Variants in NALF1 observed in about 807,000 individuals in gnomAD.
The protein encoded by NALF1 is NALCN channel auxiliary factor 1, also known as family with sequence similarity 155 member A.
A neutral mutation model predicts 48.4 loss-of-function variants in NALF1; 3 were observed. The observed-to-expected ratio is 0.06, with a 90% CI of 0.03 to 0.16. NALF1 has a LOEUF of 0.16. Among genes scored for constraint, NALF1 ranks in the 10% least tolerant of loss-of-function variants. The pLI is 1.00. For missense variants in NALF1, 526 were observed against 571.5 expected (o/e 0.92, Z 0.81); for synonymous variants, 262 against 245.7 (o/e 1.07, Z -0.62).
At chr13:107,406,005 G>A (rs1883891689) in intron 1 of NALF1, among the ~76,000 whole-genome samples, 1 of 151,928 alleles carries the variant, frequency 6.6e-6, no homozygotes, top group Non-Finnish European at 1.5e-5. Flanking sequence ...TAATTCCAAA[G>A]CAAACTTTTC....
At chr13:107,498,589 A>T (rs920026297) in intron 1 of NALF1, among the ~76,000 whole-genome samples, 1 of 152,168 alleles carries the variant, frequency 6.6e-6, no homozygotes. Context: ...GGTGGAAAGA[A>T]GACAGGGGGA....
intron 2 of NALF1, among the ~76,000 whole-genome samples, chr13:107,171,502 T>C (rs1878803785): frequency 6.6e-6 from 1 of 152,230 alleles, no homozygotes; most frequent in Non-Finnish European, 1.5e-5. Flanking sequence ...CTATCAGGAA[T>C]TGTCTGTCTC....
chr13:107,393,581 G>A (rs1165081977), intron 1 of NALF1, among the ~76,000 whole-genome samples: 2 of 152,156 alleles, frequency 1.3e-5, no homozygotes, highest in African/African-American at 4.8e-5. Flanking sequence ...GGCTCAGTGG[G>A]CCCGCCCATA....
chr13:107,391,426 C>T (rs1349065471), intron 1 of NALF1, among the ~76,000 whole-genome samples: 1 of 152,148 alleles, frequency 6.6e-6, no homozygotes, highest in African/African-American at 2.4e-5. Flanking sequence ...ATTTCCTTGC[C>T]ATACCTTGAA....
chr13:107,440,725 T>G (rs1219305413), intron 1 of NALF1, among the ~76,000 whole-genome samples: 1 of 152,148 alleles, frequency 6.6e-6, no homozygotes, highest in African/African-American at 2.4e-5. Context: ...TGAAATTGGA[T>G]TTTTGTGAAC....
intron 1 of NALF1, among the ~76,000 whole-genome samples, chr13:107,317,682 A>T (rs1188307923): frequency 6.6e-6 from 1 of 152,080 alleles, no homozygotes; most frequent in Non-Finnish European, 1.5e-5. Flanking sequence ...AGTAGCATAT[A>T]ACATATGAAT....
chr13:107,468,576 C>CA (rs370197559), intron 1 of NALF1, among the ~76,000 whole-genome samples: 113 of 152,238 alleles, frequency 7.4e-4, no homozygotes, highest in African/African-American at 2.6e-3. Flanking sequence ...GTAAGTAAAT[C>CA]AATTTCTATT....
intron 1 of NALF1, among the ~76,000 whole-genome samples, chr13:107,343,915 GT>G (rs892101539): frequency 7.9e-5 from 12 of 151,156 alleles, no homozygotes; most frequent in South Asian, 2.1e-4. Context: ...TAAACACAGA[GT>G]TTTTTTTTGA....
rs1365318542 is a variant in NALF1, at chr13:107,865,955, C to T, written c.642G>A (p.Pro214=). ...GQEVRSKHPT[P]LWNLSDFYLS... ...GGTAAAAATCCGACAAGTTCCAGAG[C>T]GGAGTGGGATGCTTGCTCCTCACCT... The change falls in exon 1 of 3, where the codon CCG becomes CCA. Residue 214 remains proline (P), a synonymous_variant. Transcript: ENST00000375915. 19 of 1,613,600 alleles carry T rather than the reference C, an allele frequency of 1.2e-5. No homozygotes were observed. The highest frequency in any genetic ancestry group is 1.5e-5 in the Non-Finnish European group (18 of 1,180,014).
intron 1 of NALF1, among the ~76,000 whole-genome samples, chr13:107,479,401 C>G (rs963665626): frequency 1.3e-5 from 2 of 152,096 alleles, no homozygotes; most frequent in East Asian, 3.8e-4. Context: ...ATATTCATCT[C>G]CTATATTTTA....
At chr13:107,699,040 T>TAGGTCTTTGCCTTTGTAGGTCTTTG (rs1279542389) in intron 1 of NALF1, among the ~76,000 whole-genome samples, 1 of 152,134 alleles carries the variant, frequency 6.6e-6, no homozygotes, top group Admixed American at 6.5e-5. Flanking sequence ...AAGCAGCCTG[T>TAGGTCTTTGCCTTTGTAGGTCTTTG]CATTGTAGGT....
intron 1 of NALF1, among the ~76,000 whole-genome samples, chr13:107,298,351 CAAAAAAAAAAAAAAA>C (rs1192707023): frequency 6.0e-5 from 1 of 16,624 alleles, no homozygotes; most frequent in Non-Finnish European, 1.1e-4. Flanking sequence ...GACTCCATCT[CAAAAAAAAAAAAAAA>C]AAAAAAAAAA....
At chr13:107,741,326 G>A (rs1876626918) in intron 1 of NALF1, among the ~76,000 whole-genome samples, 1 of 152,102 alleles carries the variant, frequency 6.6e-6, no homozygotes, top group African/African-American at 2.4e-5. Flanking sequence ...TAGGATAAAT[G>A]TTTGCCAAAG....
chr13:107,751,776 T>G (rs896860001), intron 1 of NALF1, among the ~76,000 whole-genome samples: 1 of 152,122 alleles, frequency 6.6e-6, no homozygotes, highest in Non-Finnish European at 1.5e-5. Context: ...TACCCTAAAA[T>G]AGACTTACAA....
chr13:107,279,390 G>A (rs1318663864), intron 1 of NALF1, among the ~76,000 whole-genome samples: 2 of 152,088 alleles, frequency 1.3e-5, no homozygotes, highest in African/African-American at 4.8e-5. Flanking sequence ...CGAGTAGCTG[G>A]AATTACAGGT....
intron 1 of NALF1, among the ~76,000 whole-genome samples, chr13:107,828,229 T>A (rs1392238898): frequency 2.0e-5 from 3 of 152,200 alleles, no homozygotes; most frequent in Non-Finnish European, 4.4e-5. Context: ...AAGGTCCCTT[T>A]TAGTAGCACT....
intron 1 of NALF1, among the ~76,000 whole-genome samples, chr13:107,786,523 G>A (rs1878078048): frequency 6.6e-6 from 1 of 150,760 alleles, no homozygotes; most frequent in Non-Finnish European, 1.5e-5. Flanking sequence ...CAGAAGTCAG[G>A]AGTTTGAGAC....
At chr13:107,781,300 AT>A (rs1227404741) in intron 1 of NALF1, among the ~76,000 whole-genome samples, 1 of 152,236 alleles carries the variant, frequency 6.6e-6, no homozygotes, top group African/African-American at 2.4e-5. Flanking sequence ...ACAGGGTGCT[AT>A]ATGACAGAGT....
intron 1 of NALF1, among the ~76,000 whole-genome samples, chr13:107,225,451 A>G (rs1215362657): frequency 2.6e-5 from 4 of 152,002 alleles, no homozygotes; most frequent in African/African-American, 9.7e-5. Flanking sequence ...TAATTTTTAA[A>G]TTTTTAATAG....
Sources: allele counts gnomAD v4.1 joint callset (sites outside exome capture counted in the v4.1 genomes callset), GRCh38; gene constraint gnomAD v4.1.1; transcripts MANE v1.5; gene names NCBI Gene and HGNC (gene_info 2026-07-23, HGNC 2026-07-21).